Variants in UBR2 observed in about 807,000 individuals in gnomAD.
UBR2 encodes the protein E3 ubiquitin-protein ligase UBR2.
In UBR2, 92 loss-of-function variants were observed where a neutral mutation model predicts 247.9. That is an observed-to-expected ratio of 0.37 (90% CI 0.31 to 0.44). The LOEUF (loss-of-function observed/expected upper bound fraction) is 0.44. Ranked by LOEUF, UBR2 falls within the 20% of genes least tolerant of loss-of-function variation. UBR2 has a pLI of 1.00. For synonymous variants in UBR2, 672 were observed against 693.5 expected (o/e 0.97, Z 0.49); for missense variants, 1,613 against 2,112.6 (o/e 0.76, Z 4.64).
chr6:42,658,020 G>A lies in UBR2; in HGVS notation c.2873-4G>A, dbSNP rs368462411. Reference sequence around the variant, plus strand: ...TTATTGTGCCTTTTATTTTTCTGCCGTAGAACCTGGTGAAGCGCCAAAAAA... The same window carrying A: ...TTATTGTGCCTTTTATTTTTCTGCCATAGAACCTGGTGAAGCGCCAAAAAA... On this transcript the variant is annotated splice_polypyrimidine_tract_variant and splice_region_variant and intron_variant, in intron 26 of 46. Transcript: ENST00000372901. 97 of 1,608,824 alleles carry A rather than the reference G, an allele frequency of 6.0e-5. No homozygotes were observed. In the East Asian group the frequency reaches 1.0e-3, roughly 17 times the overall value.
intron 11 of UBR2, among the ~76,000 whole-genome samples, chr6:42,627,854 G>C (rs900187590): frequency 6.6e-6 from 1 of 152,108 alleles, no homozygotes; most frequent in Non-Finnish European, 1.5e-5. Flanking sequence ...AAGTTAAACT[G>C]TAAACCACAT....
Position 42,658,032 on chromosome 6 carries a change from G to A in UBR2, c.2881G>A (p.Glu961Lys), listed in dbSNP as rs1173261993. The change falls in exon 27 of 47, where the codon GAA becomes AAA. Residue 961 changes from glutamate to lysine, a missense_variant. Around this residue, in one of 3 missense-constraint regions of UBR2, gnomAD observed 1,524 missense variants for 1,967.3 expected, o/e 0.77. Coordinates refer to ENST00000372901, the MANE Select transcript of UBR2 (RefSeq NM_001363705.2). ...TFTQKISKPG[E>K]APKNSPSILA... ...TTATTTTTCTGCCGTAGAACCTGGT[G>A]AAGCGCCAAAAAATTCTCCTAGCAT... 1 of 1,613,490 alleles carries A rather than the reference G, an allele frequency of 6.2e-7. No individual in the cohort carries two copies. Among genetic ancestry groups the A allele is most frequent in the Non-Finnish European group, 8.5e-7 (1 of 1,179,630 alleles).
At position 42,574,013 on chromosome 6, in the gene UBR2, T is replaced by C; in HGVS notation, c.338+20T>C. ...TTGCAGGTAAAATATTTTAATTTTCTTTCTAGGAGGCTCTTGTTTTATTTG... is the reference window on the plus strand; with the variant it reads ...TTGCAGGTAAAATATTTTAATTTTCCTTCTAGGAGGCTCTTGTTTTATTTG... On this transcript the variant is annotated intron_variant, in intron 2 of 46. Coordinates refer to ENST00000372901, the MANE Select transcript of UBR2 (RefSeq NM_001363705.2). 2 of 1,539,020 alleles carry C rather than the reference T, an allele frequency of 1.3e-6. No homozygotes were observed. Among genetic ancestry groups the C allele is most frequent in the Non-Finnish European group, 1.7e-6 (2 of 1,146,792 alleles).
chr6:42,597,967 T>C (rs1793100706), intron 4 of UBR2, among the ~76,000 whole-genome samples: 1 of 152,262 alleles, frequency 6.6e-6, no homozygotes, highest in Non-Finnish European at 1.5e-5. Flanking sequence ...AAGATAGCAT[T>C]TTGTTTAACA....
intron 3 of UBR2, 42 bp from the exon 4 acceptor site, chr6:42,594,149 G>T (rs752837962): frequency 2.1e-6 from 3 of 1,450,908 alleles, no homozygotes; most frequent in East Asian, 4.5e-5. Flanking sequence ...ATAGCCCTCA[G>T]TAAATATTTA....
In UBR2 at chr6:42,691,470, T is replaced by C. The variant is rs1044177516; in HGVS notation, c.*297T>C. On this transcript the variant is annotated 3_prime_UTR_variant, in exon 47 of 47. Coordinates refer to ENST00000372901, the MANE Select transcript of UBR2 (RefSeq NM_001363705.2). ...GGTCTGACTGCATAGTCCCAGCCAT[T>C]ATGTGATATTTCACGTTATTGATGA... The C allele has an allele frequency of 1.1e-5, 4 of 363,928 alleles. No individual in the cohort carries two copies. Among genetic ancestry groups the C allele is most frequent in the African/African-American group, 8.6e-5 (4 of 46,680 alleles). 22.5% of individuals were successfully genotyped at this position (363,928 alleles called of 1,614,324 possible).
At chr6:42,622,405 G>T (rs1247949940) in intron 11 of UBR2, among the ~76,000 whole-genome samples, 4 of 138,794 alleles carry the variant, frequency 2.9e-5, no homozygotes, top group African/African-American at 8.1e-5. Context: ...TTTTTGGTGG[G>T]TTTTTTTTTT....
At chr6:42,576,141 A>G (rs967043665) in intron 2 of UBR2, among the ~76,000 whole-genome samples, 2 of 152,036 alleles carry the variant, frequency 1.3e-5, no homozygotes, top group African/African-American at 2.4e-5. Flanking sequence ...GGTTCTTTTT[A>G]GTGGAAAATG....
Position 42,615,106 on chromosome 6 carries a change from C to A in UBR2, c.1021C>A (p.Gln341Lys). ...LRRILCQVGL[Q>K]EGPDGENSSL... Reference sequence around the variant, plus strand: ...CCGGATTTTATGTCAAGTTGGTTTACAAGAAGGGCCAGATGGTGAAAACTC... The same window carrying A: ...CCGGATTTTATGTCAAGTTGGTTTAAAAGAAGGGCCAGATGGTGAAAACTC... The change falls in exon 9 of 47, where the codon CAA (glutamine) becomes AAA (lysine). Residue 341 changes from glutamine (Q) to lysine (K), a missense_variant. Transcript: ENST00000372901. 1 of 1,613,266 alleles carries A rather than the reference C, an allele frequency of 6.2e-7. No homozygotes were observed. The highest frequency in any genetic ancestry group is 8.5e-7 in the Non-Finnish European group (1 of 1,179,676).
intron 2 of UBR2, among the ~76,000 whole-genome samples, chr6:42,584,816 A>ATT (rs1562284473): frequency 1.3e-5 from 2 of 152,160 alleles, no homozygotes; most frequent in South Asian, 2.1e-4. Context: ...TTATGAAGAA[A>ATT]TACAGCTGGT....
chr6:42,647,888 A>G (rs774221745), intron 21 of UBR2, among the ~76,000 whole-genome samples: 1 of 152,282 alleles, frequency 6.6e-6, no homozygotes. Context: ...AGTTTTATCT[A>G]TTTTATGTAT....
rs1327619830 is a variant in UBR2 at position 42,640,383 on chromosome 6, G to GGGGT, written c.1920+114_1920+115insGGTG. On this transcript the variant is annotated intron_variant, in intron 16 of 46. Coordinates refer to ENST00000372901, the MANE Select transcript of UBR2 (RefSeq NM_001363705.2). ...TTCTCCAGAGGAACAGAACCAGTAA[G>GGGGT]GTGTGTGTGTGTGTGTGTGTGTGTG... 1.0e-4 allele frequency: 18 copies of GGGGT among 174,428 alleles called. 2 individuals carry two copies. Among genetic ancestry groups the GGGGT allele is most frequent in the African/African-American group, 3.2e-4 (7 of 21,956 alleles). 10.8% of individuals were successfully genotyped at this position (174,428 alleles called of 1,614,324 possible).
chr6:42,662,867 G>A (rs912770896), intron 31 of UBR2, among the ~76,000 whole-genome samples: 1 of 152,000 alleles, frequency 6.6e-6, no homozygotes, highest in African/African-American at 2.4e-5. Flanking sequence ...TGTGGGAGGT[G>A]GAGGTTGCAG....
Position 42,631,110 on chromosome 6 carries a change from T to C in UBR2, c.1282-1442T>C, listed in dbSNP as rs116326326. Among the ~76,000 whole-genome samples the C allele has an allele frequency of 3.1e-3, 469 of 152,320 alleles. 1 individual carries two copies. Among genetic ancestry groups the C allele is most frequent in the Non-Finnish European group, 5.6e-3 (380 of 68,036 alleles). ...TGAGCTACTGCACCTGGCCTTGTTC[T>C]ACGTTTTGATGAAACTTTTTCTGTT... On this transcript the variant is annotated intron_variant, in intron 11 of 46. Coordinates refer to ENST00000372901, the MANE Select transcript of UBR2 (RefSeq NM_001363705.2).
At chr6:42,606,702 G>A in intron 7 of UBR2, 51 bp downstream of exon 7, 1 of 1,447,222 alleles carries the variant, frequency 6.9e-7, no homozygotes, top group Non-Finnish European at 9.4e-7. Flanking sequence ...TTTAAAACTA[G>A]CTTCATATTT....
chr6:42,679,881 C>A, intron 42 of UBR2, 49 bp downstream of exon 42: 2 of 1,357,628 alleles, frequency 1.5e-6, no homozygotes, highest in Admixed American at 2.2e-5. Context: ...TCTATGGAAC[C>A]AAACTTTAGT....
chr6:42,590,626 A>G (rs1413035214), intron 2 of UBR2, among the ~76,000 whole-genome samples: 1 of 152,238 alleles, frequency 6.6e-6, no homozygotes, highest in East Asian at 1.9e-4. Flanking sequence ...CAGTAGGTAA[A>G]GAAAAAATAT....
At chr6:42,628,282 A>C (rs1795477858) in intron 11 of UBR2, among the ~76,000 whole-genome samples, 2 of 152,212 alleles carry the variant, frequency 1.3e-5, no homozygotes, top group Admixed American at 6.5e-5. Flanking sequence ...CTTTAAAAAA[A>C]AAACAAAACT....
At chr6:42,655,390 A>C (rs554256460) in intron 25 of UBR2, among the ~76,000 whole-genome samples, 5 of 151,826 alleles carry the variant, frequency 3.3e-5, no homozygotes, top group Admixed American at 3.3e-4. Context: ...AGGCAGGAGA[A>C]TCACTTGAAC....
Sources: gnomAD v4.1 joint callset for allele counts (sites outside exome capture counted in the v4.1 genomes callset) on GRCh38, gnomAD v4.1.1 for gene constraint, gnomAD v4.1.1 regional missense constraint, MANE v1.5 for transcripts, NCBI Gene and HGNC (gene_info 2026-07-23, HGNC 2026-07-21) for gene names.